The following CDC25B variants were observed in gnomAD, a reference collection of about 807,000 sequenced individuals.
CDC25B encodes cell division cycle 25B.
A neutral mutation model predicts 69.8 loss-of-function variants in CDC25B; 33 were observed. The ratio of observed to expected loss-of-function variants is 0.47; its 90% confidence interval spans 0.36 to 0.63. The LOEUF (loss-of-function observed/expected upper bound fraction) is 0.63, where lower values mean the gene tolerates loss of function less well. CDC25B is among the 30% of genes least tolerant of loss of function. CDC25B has a pLI of 0.00. For synonymous variants in CDC25B, 341 were observed against 314.6 expected (o/e 1.08, Z -0.89); for missense variants, 727 against 809.1 (o/e 0.90, Z 1.23).
At chr20:3,800,210 T>TGGACTGGGGGCCTGGTGCTAG (rs2089225319) in intron 3 of CDC25B, 78 bp from the exon 4 acceptor site, 8 of 1,285,678 alleles carry the variant, frequency 6.2e-6, no homozygotes, top group Admixed American at 1.8e-5. Flanking sequence ...TACTCCCCCC[T>TGGACTGGGGGCCTGGTGCTAG]GGACTGGGGG....
chr20:3,797,194 T>C (rs1451191312), intron 1 of CDC25B, among the ~76,000 whole-genome samples: 3 of 152,160 alleles, frequency 2.0e-5, no homozygotes, highest in Non-Finnish European at 4.4e-5. Flanking sequence ...CTGATCCTGC[T>C]CCCTAAGTCT....
intron 2 of CDC25B, 136 bp from the exon 3 acceptor site, chr20:3,798,276 G>A (rs1371770768): frequency 2.0e-6 from 1 of 509,686 alleles, no homozygotes; most frequent in African/African-American, 2.3e-5. Flanking sequence ...TTGGGTTTTT[G>A]TTTCATTTTC....
At position 3,803,014 on chromosome 20, in the gene CDC25B, T is replaced by C. The variant is rs1253095930; in HGVS notation, c.1257+42T>C. 3 of 1,603,566 alleles carry C rather than the reference T, an allele frequency of 1.9e-6. No homozygotes were observed. The highest frequency in any genetic ancestry group is 1.7e-5 in the Admixed American group (1 of 59,996). On this transcript the variant is annotated intron_variant, in intron 12 of 15. Transcript: ENST00000245960. The surrounding 1 kb of genome is among the most constrained non-coding windows in gnomAD (Gnocchi z 4.9). ...CATTTTCTAGGCAGATTTGGGACTG[T>C]AGCTCCATTGTTGACCTTCCCTGGG...
At chr20:3,794,159 C>T (rs1280765510), upstream of CDC25B, among the ~76,000 whole-genome samples, 3 of 150,582 alleles carry the variant, frequency 2.0e-5, no homozygotes, top group Admixed American at 6.6e-5. Context: ...TTCTAGATCC[C>T]TGAGGAATCG....
At chr20:3,794,836 C>T (rs1363809382), upstream of CDC25B, among the ~76,000 whole-genome samples, 2 of 152,164 alleles carry the variant, frequency 1.3e-5, no homozygotes, top group East Asian at 1.9e-4. Context: ...TTTGCCACCC[C>T]CATCCAATGC....
chr20:3,792,710 C>T (rs967171597), upstream of CDC25B, among the ~76,000 whole-genome samples: 1 of 152,216 alleles, frequency 6.6e-6, no homozygotes, highest in African/African-American at 2.4e-5. Flanking sequence ...TTGTGATCCA[C>T]CTGCCTCGGC....
upstream of CDC25B, among the ~76,000 whole-genome samples, chr20:3,791,855 A>G (rs1482109227): frequency 6.6e-6 from 1 of 152,222 alleles, no homozygotes; most frequent in Admixed American, 6.5e-5. Flanking sequence ...TTATGGTACT[A>G]ATATGGATCC....
At chr20:3,804,750 G>A in intron 15 of CDC25B, 70 bp downstream of exon 15, 1 of 1,592,972 alleles carries the variant, frequency 6.3e-7, no homozygotes, top group Non-Finnish European at 8.6e-7. Context: ...CCATGGGATG[G>A]GGGGTGGGAG....
At chr20:3,792,215 G>A (rs776469467), upstream of CDC25B, among the ~76,000 whole-genome samples, 2 of 149,960 alleles carry the variant, frequency 1.3e-5, no homozygotes, top group Admixed American at 6.6e-5. Context: ...TGCCAGCCTA[G>A]AACAATGTTC....
rs746917919 is a variant in CDC25B, at chr20:3,805,341, A to C, written c.*380A>C. The C allele has an allele frequency of 3.0e-5, 9 of 299,356 alleles. No homozygotes were observed. The highest frequency in any genetic ancestry group is 5.7e-5 in the Non-Finnish European group (9 of 157,346). The allele number at this position is 299,356 out of a possible 1,614,324, so 18.5% of individuals were successfully genotyped here. The stretch of plus-strand genomic sequence containing the variant: ...GGCTGGGGGAGAGCCGTGGTCCCTG[A>C]GGATGGGTCAGAGCTAAACTCCTTC... On this transcript the variant is annotated 3_prime_UTR_variant, in exon 16 of 16. Coordinates refer to ENST00000245960, the MANE Select transcript of CDC25B (RefSeq NM_021873.4).
Position 3,801,318 on chromosome 20 carries a change from C to T in CDC25B, c.770C>T (p.Ser257Phe), listed in dbSNP as rs2089276418. The T allele has an allele frequency of 1.2e-6, 2 of 1,614,030 alleles. No homozygotes were observed. Among genetic ancestry groups the T allele is most frequent in the Admixed American group, 1.7e-5 (1 of 59,990 alleles). ...ELSPLALGRF[S>F]LTPAEGDTEE... Reference sequence around the variant, plus strand: ...AGCCCCCTGGCCCTAGGTCGCTTCTCTCTGACCCCTGCAGAGGGGGATACT... The same window carrying T: ...AGCCCCCTGGCCCTAGGTCGCTTCTTTCTGACCCCTGCAGAGGGGGATACT... The change falls in exon 8 of 16, where the codon TCT (serine) becomes TTT (phenylalanine). Residue 257 changes from serine to phenylalanine, a missense_variant. Transcript: ENST00000245960.
chr20:3,798,595 C>A (rs1242588290), intron 3 of CDC25B, 132 bp downstream of exon 3: 2 of 577,586 alleles, frequency 3.5e-6, no homozygotes, highest in East Asian at 3.0e-5. Flanking sequence ...ATCCCCATGG[C>A]CGGGGGGCTC....
At chr20:3,796,066 G>A (rs1269797521), upstream of CDC25B, 38 of 1,005,516 alleles carry the variant, frequency 3.8e-5, no homozygotes, top group Non-Finnish European at 4.5e-5. Context: ...TCCAAACCAT[G>A]TCGCGAGAGG....
At position 3,802,098 on chromosome 20, in the gene CDC25B, C is replaced by A. The variant is rs2089305908; in HGVS notation, c.1096C>A (p.Pro366Thr). Residue 366 changes from proline to threonine, a missense_variant and splice_region_variant, in exon 10 of 16, where the codon CCT becomes ACT. Physicochemically the swap from Pro to Thr is conservative, Grantham distance 38 (BLOSUM62 -1). Coordinates refer to ENST00000245960, the MANE Select transcript of CDC25B (RefSeq NM_021873.4). ...TGAGGAGCAGCAGGAGGCTGAGGAA[C>A]CTGTGAGTGCCTTCCTCCTGGGGTT... is the stretch of plus-strand genomic sequence containing the variant. ...PPEEQQEAEE[P>T]KARVLRSKSL... is the part of the protein sequence containing the mutation. 1 of 1,548,200 alleles carries A rather than the reference C, an allele frequency of 6.5e-7. No homozygotes were observed. Among genetic ancestry groups the A allele is most frequent in the Non-Finnish European group, 8.7e-7 (1 of 1,143,982 alleles).
At chr20:3,791,726 C>T (rs2088917361), upstream of CDC25B, among the ~76,000 whole-genome samples, 1 of 152,094 alleles carries the variant, frequency 6.6e-6, no homozygotes. Flanking sequence ...CCCATCAGTT[C>T]CTCCCTAGGA....
upstream of CDC25B, among the ~76,000 whole-genome samples, chr20:3,795,543 C>T (rs2089006556): frequency 6.6e-6 from 1 of 152,238 alleles, no homozygotes; most frequent in Admixed American, 6.5e-5. Context: ...TGGTTGCTGA[C>T]ACCCTCCTCG....
chr20:3,803,332 G>A lies in CDC25B; in HGVS notation c.1357-72G>A. On this transcript the variant is annotated intron_variant, in intron 13 of 15. Transcript: ENST00000245960. The surrounding 1 kb of genome is among the most constrained non-coding windows in gnomAD (Gnocchi z 4.9). ...TGGGGAGGGTTCCTACTAAGAGAAG[G>A]ACAGCGACTGCACGGGGAGGGCCCT... is the stretch of plus-strand genomic sequence containing the variant. The A allele has an allele frequency of 6.2e-7, 1 of 1,607,396 alleles. No individual in the cohort carries two copies. Among genetic ancestry groups the A allele is most frequent in the Non-Finnish European group, 8.5e-7 (1 of 1,175,452 alleles).
intron 8 of CDC25B, 64 bp downstream of exon 8, chr20:3,801,452 G>A: frequency 6.6e-7 from 1 of 1,520,498 alleles, no homozygotes; most frequent in Admixed American, 2.1e-5. Context: ...AAAGAAGAGA[G>A]CTCTGAGCCC....
chr20:3,798,340 T>TTAA, intron 2 of CDC25B, 72 bp from the exon 3 acceptor site: 2 of 532,090 alleles, frequency 3.8e-6, no homozygotes, highest in Non-Finnish European at 6.4e-6. Context: ...TTTTTTTTCA[T>TTAA]ATTGGGACAT....
Sources: allele counts gnomAD v4.1 joint callset (sites outside exome capture counted in the v4.1 genomes callset), GRCh38; gene constraint gnomAD v4.1.1; non-coding constraint Gnocchi (gnomAD v3.1); transcripts MANE v1.5; gene names NCBI Gene and HGNC (gene_info 2026-07-23, HGNC 2026-07-21).